UST: variants seen among roughly 807,000 people sequenced by gnomAD.
UST encodes the protein chondroitin sulfate 2-O-sulfotransferase.
Under a neutral mutation model 45.6 loss-of-function variants are expected in UST, and 21 were observed. That is an observed-to-expected ratio of 0.46 (90% CI 0.33 to 0.66). The LOEUF (loss-of-function observed/expected upper bound fraction) is 0.66, where lower values mean the gene tolerates loss of function less well. UST is among the 30% of genes least tolerant of loss of function. UST has a pLI of 0.02. For missense variants in UST, 463 were observed against 512.4 expected (o/e 0.90, Z 0.93); for synonymous variants, 215 against 200.6 (o/e 1.07, Z -0.61).
rs549588764 is a variant in UST, at chr6:148,827,832, G to A, written c.248-59154G>A. On this transcript the variant is annotated intron_variant, in intron 1 of 7. Coordinates refer to ENST00000367463, the MANE Select transcript of UST (RefSeq NM_005715.3). ...ACATGATATTTAGATGAACATATGC[G>A]GTTTACTAAAACAGATGGTAGAGAA... Among the ~76,000 whole-genome samples the A allele has an allele frequency of 1.7e-4, 26 of 151,798 alleles. No homozygotes were observed. The South Asian group carries it at 4.4e-3, about 26-fold the overall frequency.
intron 5 of UST, among the ~76,000 whole-genome samples, chr6:149,004,945 A>T (rs1173689567): frequency 6.6e-6 from 1 of 151,390 alleles, no homozygotes; most frequent in Non-Finnish European, 1.5e-5. Flanking sequence ...TGATCCTCCC[A>T]TTTCAACCTC....
At chr6:148,957,724 A>G (rs1323401295) in intron 4 of UST, among the ~76,000 whole-genome samples, 1 of 152,212 alleles carries the variant, frequency 6.6e-6, no homozygotes, top group Non-Finnish European at 1.5e-5. Flanking sequence ...GTGAGCCACC[A>G]TGCAAAGCCA....
At chr6:148,789,308 A>G (rs1025797227) in intron 1 of UST, among the ~76,000 whole-genome samples, 1 of 152,120 alleles carries the variant, frequency 6.6e-6, no homozygotes, top group South Asian at 2.1e-4. Context: ...GTGAACTGTT[A>G]GAAATGCAGA....
chr6:148,958,238 G>A (rs1315633722), intron 4 of UST, among the ~76,000 whole-genome samples: 5 of 151,924 alleles, frequency 3.3e-5, no homozygotes, highest in African/African-American at 1.2e-4. Flanking sequence ...CTTTTTTAGA[G>A]TTAGAAGGAA....
At chr6:149,061,101 C>T (rs867842561) in intron 7 of UST, among the ~76,000 whole-genome samples, 1 of 151,728 alleles carries the variant, frequency 6.6e-6, no homozygotes, top group South Asian at 2.1e-4. Flanking sequence ...TGGTGGTGAG[C>T]TTTTGTTATT....
At chr6:149,028,571 A>C (rs1461889132) in intron 7 of UST, among the ~76,000 whole-genome samples, 2 of 152,230 alleles carry the variant, frequency 1.3e-5, no homozygotes, top group Non-Finnish European at 2.9e-5. Context: ...TCATGCCTTT[A>C]AGAAACAATA....
intron 2 of UST, among the ~76,000 whole-genome samples, chr6:148,901,258 T>G (rs899573971): frequency 6.6e-6 from 1 of 152,226 alleles, no homozygotes; most frequent in Non-Finnish European, 1.5e-5. Flanking sequence ...ATTTCATCCT[T>G]GATTGATAGT....
intron 1 of UST, among the ~76,000 whole-genome samples, chr6:148,849,536 G>A (rs1778065251): frequency 6.6e-6 from 1 of 152,156 alleles, no homozygotes; most frequent in African/African-American, 2.4e-5. Context: ...GGACATACTT[G>A]AGACTGGGTA....
intron 1 of UST, among the ~76,000 whole-genome samples, chr6:148,795,280 T>C (rs1776927304): frequency 1.3e-5 from 2 of 152,196 alleles, no homozygotes; most frequent in South Asian, 4.1e-4. Context: ...AATGTGTGGC[T>C]GGAGACAGAG....
chr6:148,849,260 C>T (rs962546102), intron 1 of UST, among the ~76,000 whole-genome samples: 20 of 152,166 alleles, frequency 1.3e-4, no homozygotes, highest in Non-Finnish European at 2.9e-4. Context: ...CTAAAATTAA[C>T]CATTGTAGCC....
At chr6:148,877,698 T>G in intron 1 of UST, among the ~76,000 whole-genome samples, 2 of 69,044 alleles carry the variant, frequency 2.9e-5, no homozygotes. Context: ...CATGTATGAG[T>G]GTGAGGGGTC....
intron 3 of UST, among the ~76,000 whole-genome samples, chr6:148,951,784 C>T (rs1015843311): frequency 3.9e-5 from 6 of 152,134 alleles, no homozygotes; most frequent in Non-Finnish European, 7.3e-5. Context: ...ACAATAAACA[C>T]GAGCATTAGT....
chr6:148,905,656 C>A (rs1779343076), intron 2 of UST, among the ~76,000 whole-genome samples: 1 of 152,180 alleles, frequency 6.6e-6, no homozygotes, highest in African/African-American at 2.4e-5. Flanking sequence ...CAGAAGGAGA[C>A]CCAGGGAAGG....
At chr6:148,875,783 G>A (rs964272265) in intron 1 of UST, among the ~76,000 whole-genome samples, 10 of 152,182 alleles carry the variant, frequency 6.6e-5, no homozygotes, top group Non-Finnish European at 1.3e-4. Flanking sequence ...CCGCTTCGGC[G>A]ACACAGCAAG....
intron 1 of UST, among the ~76,000 whole-genome samples, chr6:148,832,723 A>G (rs1334948105): frequency 1.3e-5 from 2 of 152,204 alleles, no homozygotes; most frequent in Non-Finnish European, 2.9e-5. Context: ...CTTAGGATAC[A>G]ATACCTTATT....
rs543270080 is a variant in UST at position 149,032,088 on chromosome 6, G to A, written c.937+10607G>A. On this transcript the variant is annotated intron_variant, in intron 7 of 7. Coordinates refer to ENST00000367463, the MANE Select transcript of UST (RefSeq NM_005715.3). ...GGCTCACTCACCCTGCCTTTAAGAC[G>A]GCCCTACCAGAGGCAGGAGAAGGAT... 1.3e-4 allele frequency among the ~76,000 whole-genome samples: 20 copies of A among 152,280 alleles called. 1 individual carries two copies. Among genetic ancestry groups the A allele is most frequent in the African/African-American group, 4.6e-4 (19 of 41,550 alleles).
intron 5 of UST, among the ~76,000 whole-genome samples, chr6:149,006,721 A>G (rs1325080075): frequency 6.6e-6 from 1 of 152,162 alleles, no homozygotes; most frequent in Non-Finnish European, 1.5e-5. Flanking sequence ...CAACAGTGCA[A>G]AATGTTCCTA....
At chr6:148,961,634 A>G (rs149551141) in intron 4 of UST, among the ~76,000 whole-genome samples, 10 of 152,380 alleles carry the variant, frequency 6.6e-5, no homozygotes, top group Admixed American at 3.3e-4. Flanking sequence ...AATGTTAAAT[A>G]TTGGCTGAGT....
At chr6:148,932,395 G>C (rs1779938564) in intron 2 of UST, among the ~76,000 whole-genome samples, 1 of 152,054 alleles carries the variant, frequency 6.6e-6, no homozygotes, top group African/African-American at 2.4e-5. Context: ...AAAGGAAACT[G>C]TAACATTCTG....
Sources: allele counts gnomAD v4.1 joint callset (sites outside exome capture counted in the v4.1 genomes callset), GRCh38; gene constraint gnomAD v4.1.1; transcripts MANE v1.5; gene names NCBI Gene and HGNC (gene_info 2026-07-23, HGNC 2026-07-21).